The following WDR25 variants were observed in gnomAD, a reference collection of about 807,000 sequenced individuals.
The protein encoded by WDR25 is WD repeat-containing protein 25.
In WDR25, 35 loss-of-function variants were observed where a neutral mutation model predicts 47.7. That is an observed-to-expected ratio of 0.73 (90% CI 0.56 to 0.97). WDR25 has a LOEUF of 0.97. Ranked by LOEUF, WDR25 falls within the 50% of genes least tolerant of loss-of-function variation. WDR25 has a pLI of 0.00. For missense variants in WDR25, 634 were observed against 704.7 expected, an observed-to-expected ratio of 0.90 and a Z score of 1.14; for synonymous variants, 248 against 278.9, an observed-to-expected ratio of 0.89 and a Z score of 1.10.
At chr14:100,458,123 A>G (rs1899264103) in intron 2 of WDR25, among the ~76,000 whole-genome samples, 3 of 152,180 alleles carry the variant, frequency 2.0e-5, no homozygotes, top group Non-Finnish European at 4.4e-5. Flanking sequence ...GGTTGGATAA[A>G]AAGTCAAGAC....
chr14:100,395,829 C>A (rs1213431418), intron 2 of WDR25, among the ~76,000 whole-genome samples: 1 of 152,118 alleles, frequency 6.6e-6, no homozygotes, highest in African/African-American at 2.4e-5. Flanking sequence ...TGCACTCCCC[C>A]ACCCACCCCT....
At chr14:100,419,894 A>G (rs1450587100) in intron 2 of WDR25, among the ~76,000 whole-genome samples, 1 of 152,234 alleles carries the variant, frequency 6.6e-6, no homozygotes, top group African/African-American at 2.4e-5. Context: ...CACATTTGAA[A>G]TTAATGGGAA....
Position 100,525,946 on chromosome 14 carries a change from G to T in WDR25, c.1178G>T (p.Ser393Ile). 6.2e-7 allele frequency: 1 copy of T among 1,614,044 alleles called. No individual in the cohort carries two copies. Among genetic ancestry groups the T allele is most frequent in the Non-Finnish European group, 8.5e-7 (1 of 1,179,974 alleles). ...CTCCGGGAAGGCTCCGAGTTCCTGA[G>T]CAGCACAGACGCTTCCACCCGGGAC... ...LFLREGSEFL[S>I]STDASTRDSA... is the part of the protein sequence containing the mutation. The change falls in exon 5 of 7, where the codon AGC becomes ATC. Residue 393 changes from serine (S) to isoleucine (I), a missense_variant. Transcript: ENST00000402312. This position sits in a 1 kb window ranked among gnomAD's most constrained non-coding sequence, Gnocchi z 4.6.
intron 2 of WDR25, among the ~76,000 whole-genome samples, chr14:100,403,010 C>T (rs956780583): frequency 1.3e-5 from 2 of 151,476 alleles, no homozygotes; most frequent in African/African-American, 2.4e-5. Flanking sequence ...GACCCTGTCT[C>T]GCTGACCTCA....
chr14:100,480,362 G>T (rs144633718), intron 3 of WDR25, among the ~76,000 whole-genome samples: 6 of 152,338 alleles, frequency 3.9e-5, no homozygotes, highest in African/African-American at 1.4e-4. Context: ...CAAGGGGCTT[G>T]TGGAGCTCAA....
chr14:100,471,958 C>T (rs929207982), intron 3 of WDR25, among the ~76,000 whole-genome samples: 1 of 152,182 alleles, frequency 6.6e-6, no homozygotes, highest in African/African-American at 2.4e-5. Flanking sequence ...GAACGCTGGC[C>T]GACTCCACCA....
chr14:100,384,124 G>T (rs969536968), intron 2 of WDR25, among the ~76,000 whole-genome samples: 1 of 152,270 alleles, frequency 6.6e-6, no homozygotes, highest in Admixed American at 6.5e-5. Context: ...TGCACCCTGG[G>T]TTCCTTCCCA....
chr14:100,394,802 A>G (rs1897220523), intron 2 of WDR25, among the ~76,000 whole-genome samples: 1 of 152,152 alleles, frequency 6.6e-6, no homozygotes, highest in Non-Finnish European at 1.5e-5. Context: ...CCTGGACAAA[A>G]TAGGGAGGCC....
intron 4 of WDR25, among the ~76,000 whole-genome samples, chr14:100,486,769 A>T (rs1900400356): frequency 6.6e-6 from 1 of 152,166 alleles, no homozygotes; most frequent in African/African-American, 2.4e-5. Context: ...GCTTTCAGGG[A>T]CCGCGGTGGG....
At chr14:100,473,420 T>C (rs777529389) in intron 3 of WDR25, among the ~76,000 whole-genome samples, 3 of 152,168 alleles carry the variant, frequency 2.0e-5, no homozygotes, top group Non-Finnish European at 4.4e-5. Flanking sequence ...CCTCCCCACG[T>C]CTGTTTCCCT....
intron 2 of WDR25, chr14:100,455,375 A>C (rs556608461): frequency 3.2e-4 from 49 of 150,866 alleles, no homozygotes; most frequent in Admixed American, 2.3e-3. Flanking sequence ...AAAATGATGG[A>C]GGAGAAGAAG....
At chr14:100,479,046 G>A (rs1900112682) in intron 3 of WDR25, among the ~76,000 whole-genome samples, 2 of 152,066 alleles carry the variant, frequency 1.3e-5, no homozygotes, top group Non-Finnish European at 2.9e-5. Context: ...CTTGTGGGGA[G>A]AAAGAGTTTG....
chr14:100,509,628 T>G (rs557099506), intron 4 of WDR25, among the ~76,000 whole-genome samples: 1 of 152,230 alleles, frequency 6.6e-6, no homozygotes, highest in Non-Finnish European at 1.5e-5. Flanking sequence ...ATGTACAGTT[T>G]AAGTTTTCAT....
chr14:100,461,717 A>C (rs530395935), intron 2 of WDR25, among the ~76,000 whole-genome samples: 1 of 152,234 alleles, frequency 6.6e-6, no homozygotes, highest in Admixed American at 6.5e-5. Flanking sequence ...AATGGTCTCT[A>C]AAATTATTTT....
In WDR25 at chr14:100,525,679, C is replaced by G. The variant is rs1011693506; in HGVS notation, c.1102-191C>G. 1.3e-5 allele frequency among the ~76,000 whole-genome samples: 2 copies of G among 152,156 alleles called. No individual in the cohort carries two copies. The highest frequency in any genetic ancestry group is 4.8e-5 in the African/African-American group (2 of 41,424). Reference sequence around the variant, plus strand: ...GCAGGGGGGCTGAGAAGCTGACAGACACTGGACTGGGCATGGGGCAGGAGG... The same window carrying G: ...GCAGGGGGGCTGAGAAGCTGACAGAGACTGGACTGGGCATGGGGCAGGAGG... On this transcript the variant is annotated intron_variant, in intron 4 of 6. Coordinates refer to ENST00000402312, the MANE Select transcript of WDR25 (RefSeq NM_001161476.3). The surrounding 1 kb of genome is among the most constrained non-coding windows in gnomAD (Gnocchi z 4.6).
chr14:100,391,628 T>G (rs1417331054), intron 2 of WDR25, among the ~76,000 whole-genome samples: 1 of 145,106 alleles, frequency 6.9e-6, no homozygotes, highest in Admixed American at 6.9e-5. Context: ...ACTGCAGACT[T>G]TTTGGTATAT....
At chr14:100,455,238 TC>T (rs1899162320) in intron 2 of WDR25, 1 of 152,220 alleles carries the variant, frequency 6.6e-6, no homozygotes, top group East Asian at 1.9e-4. Context: ...AGTGTTAAAT[TC>T]TGGAACTGAA....
At chr14:100,432,399 C>G (rs917615478) in intron 2 of WDR25, among the ~76,000 whole-genome samples, 1 of 152,154 alleles carries the variant, frequency 6.6e-6, no homozygotes, top group African/African-American at 2.4e-5. Flanking sequence ...AAAAATGTAG[C>G]ATGCTGAAAG....
chr14:100,526,169 G>A (rs2030122516), intron 5 of WDR25, 129 bp downstream of exon 5: 1 of 1,183,812 alleles, frequency 8.4e-7, no homozygotes. Context: ...CCAGGATGAG[G>A]GTAGTCAGGT....
Sources: allele counts gnomAD v4.1 joint callset (sites outside exome capture counted in the v4.1 genomes callset), GRCh38; gene constraint gnomAD v4.1.1; non-coding constraint Gnocchi (gnomAD v3.1); transcripts MANE v1.5; gene names NCBI Gene and HGNC (gene_info 2026-07-23, HGNC 2026-07-21).